The following TRIM10 variants were observed in gnomAD, a reference collection of about 807,000 sequenced individuals.
The protein encoded by TRIM10 is tripartite motif containing 10.
TRIM10 carries 42 observed loss-of-function variants against 40.0 expected under a neutral mutation model. The observed-to-expected ratio is 1.05, with a 90% CI of 0.82 to 1.36. TRIM10 has a LOEUF of 1.36. Ranked by LOEUF, TRIM10 falls within the 40% of genes most tolerant of loss-of-function variation. TRIM10 has a pLI of 0.00. For synonymous variants in TRIM10, 260 were observed against 239.5 expected (o/e 1.09, Z -0.79); for missense variants, 601 against 608.3 (o/e 0.99, Z 0.13).
At chr6:30,163,783 C>T, upstream of TRIM10, 1 of 1,613,042 alleles carries the variant, frequency 6.2e-7, no homozygotes, top group Non-Finnish European at 8.5e-7. Flanking sequence ...CCTGTGGACA[C>T]ACCTTCTGCC....
chr6:30,163,758 A>G (rs751176602), upstream of TRIM10: 4 of 1,612,944 alleles, frequency 2.5e-6, no homozygotes, highest in Non-Finnish European at 3.4e-6. Flanking sequence ...CCGCTGGAGG[A>G]TGCGGTGACC....
intron 5 of TRIM10, among the ~76,000 whole-genome samples, chr6:30,156,309 G>T (rs1212205347): frequency 1.3e-5 from 2 of 152,076 alleles, no homozygotes; most frequent in East Asian, 3.9e-4. Context: ...ACTGTGGGTG[G>T]GTCATTTCAA....
chr6:30,158,281 C>T (rs1772745298), intron 3 of TRIM10, 118 bp downstream of exon 3: 1 of 881,942 alleles, frequency 1.1e-6, no homozygotes, highest in Admixed American at 1.9e-5. Flanking sequence ...GGTCCTCTGA[C>T]CCACCTCCCA....
chr6:30,159,081 T>C (rs1158070840), intron 2 of TRIM10, 69 bp downstream of exon 2: 1 of 1,008,368 alleles, frequency 9.9e-7, no homozygotes, highest in Non-Finnish European at 1.6e-6. Flanking sequence ...TAATCTATGT[T>C]GCCTCAGTTT....
chr6:30,159,156 G>C lies in TRIM10; in HGVS notation c.519C>G (p.Val173=), dbSNP rs1454336667. 3 of 1,608,608 alleles carry C rather than the reference G, an allele frequency of 1.9e-6. No homozygotes were observed. The highest frequency in any genetic ancestry group is 4.5e-5 in the East Asian group (2 of 44,862). The change falls in exon 2 of 7, where the codon GTC becomes GTG. Residue 173 remains valine (V), a synonymous_variant. Coordinates refer to ENST00000449742, the MANE Select transcript of TRIM10 (RefSeq NM_006778.4). The part of the protein sequence containing the change: ...IQSRENKRMQ[V]LLTQVSTKRQ... ...GGAAGGGGTGATGACTTACCAGGAG[G>C]ACTTGCATCCTTTTATTTTCTCTTG...
chr6:30,156,890 C>T (rs115594810), intron 5 of TRIM10, 49 bp downstream of exon 5: 26,138 of 1,564,496 alleles, frequency 0.017, 359 homozygotes, highest in African/African-American at 0.047. Flanking sequence ...ACTCCTAAAC[C>T]CAGGCTTCAT....
chr6:30,163,815 C>G (rs1773357625), upstream of TRIM10: 1 of 1,612,946 alleles, frequency 6.2e-7, no homozygotes, highest in Admixed American at 1.7e-5. Flanking sequence ...CCCGCGCTCT[C>G]CCAGATGGGG....
chr6:30,160,666 G>A lies in TRIM10; in HGVS notation c.193C>T (p.Arg65Cys), dbSNP rs367573300. 2.4e-5 allele frequency: 39 copies of A among 1,614,130 alleles called. 1 individual carries two copies. Among genetic ancestry groups the A allele is most frequent in the Admixed American group, 1.0e-4 (6 of 60,010 alleles). Residue 65 changes from arginine (R) to cysteine (C), a missense_variant, in exon 1 of 7, where the codon CGT becomes TGT. Coordinates refer to ENST00000449742, the MANE Select transcript of TRIM10 (RefSeq NM_006778.4). ...PTCPLCKEPF[R>C]PGSFRPNWQL... ...CAGTTGGGCCGGAAGCTCCCAGGAC[G>A]GAAGGGTTCTTTGCAGAGTGGGCAA...
At position 30,154,384 on chromosome 6, in the gene TRIM10, T is replaced by G. The variant is rs1445940995; in HGVS notation, c.1031A>C (p.Asn344Thr). The G allele has an allele frequency of 1.6e-5, 25 of 1,612,336 alleles. No homozygotes were observed. Among genetic ancestry groups the G allele is most frequent in the Non-Finnish European group, 2.1e-5 (25 of 1,179,890 alleles). Residue 344 changes from asparagine (N) to threonine (T), a missense_variant, in exon 7 of 7, where the codon AAC becomes ACC. Coordinates refer to ENST00000449742, the MANE Select transcript of TRIM10 (RefSeq NM_006778.4). ...GGTGGCCCGGTCAAAACGTTGGGGG[T>G]TGTCTGGTGAGTTCTGCCATTTGTA... ...FSYKWQNSPD[N>T]PQRFDRATCV...
Position 30,160,686 on chromosome 6 carries a change from G to T in TRIM10, c.173C>A (p.Pro58Gln). The T allele has an allele frequency of 6.2e-7, 1 of 1,614,234 alleles. No individual in the cohort carries two copies. The highest frequency in any genetic ancestry group is 8.5e-7 in the Non-Finnish European group (1 of 1,180,038). ...GPDLEESPTC[P>Q]LCKEPFRPGS... Reference sequence around the variant, plus strand: ...AGGACGGAAGGGTTCTTTGCAGAGTGGGCAAGTAGGGGACTCCTCCAGGTC... The same window carrying T: ...AGGACGGAAGGGTTCTTTGCAGAGTTGGCAAGTAGGGGACTCCTCCAGGTC... Residue 58 changes from proline (P) to glutamine (Q), a missense_variant, in exon 1 of 7, where the codon CCA becomes CAA. By Grantham distance (76) the Pro-to-Gln change is moderately conservative (BLOSUM62 -1). Coordinates refer to ENST00000449742, the MANE Select transcript of TRIM10 (RefSeq NM_006778.4).
At position 30,154,318 on chromosome 6, in the gene TRIM10, G is replaced by A. The variant is rs772062443; in HGVS notation, c.1097C>T (p.Thr366Met). ...GGCCAGGTCTATACTCACCACCCAC[G>A]TGTGTCTCCCCCCTGTGATGCCAGT... Reference protein sequence around the residue: ...AHTGITGGRHTWVVSIDLAHG... With the variant: ...AHTGITGGRHMWVVSIDLAHG... The change falls in exon 7 of 7, where the codon ACG becomes ATG. Residue 366 changes from threonine to methionine, a missense_variant. Thr to Met is a moderately conservative substitution (Grantham distance 81). Coordinates refer to ENST00000449742, the MANE Select transcript of TRIM10 (RefSeq NM_006778.4). The A allele has an allele frequency of 5.0e-6, 8 of 1,612,942 alleles. No homozygotes were observed. The highest frequency in any genetic ancestry group is 2.2e-5 in the South Asian group (2 of 91,090).
At position 30,154,076 on chromosome 6, in the gene TRIM10, CG is replaced by C. The variant is rs775339762; in HGVS notation, c.1338del (p.Asn446LysfsTer34). ...DYEVGWVTFT[N>X]AVTREPIYTF... ...GTGTAGATGGGCTCTCGGGTGACAG[CG>C]TTGGTGAAGGTCACCCAGCCCACCT... On this transcript the variant is annotated frameshift_variant, in exon 7 of 7. Coordinates refer to ENST00000449742, the MANE Select transcript of TRIM10 (RefSeq NM_006778.4). LOFTEE classifies it high-confidence loss of function. 10 of 1,612,970 alleles carry C rather than the reference CG, an allele frequency of 6.2e-6. No homozygotes were observed. The East Asian group carries it at 2.2e-4, about 36-fold the overall frequency.
chr6:30,154,424 G>A lies in TRIM10; in HGVS notation c.991C>T (p.Arg331Ter), dbSNP rs146382928. 70 of 1,612,908 alleles carry A rather than the reference G, an allele frequency of 4.3e-5. No individual in the cohort carries two copies. In the Admixed American group the frequency reaches 5.7e-4, roughly 13 times the overall value. ...PKLLLSEDHQ[R>*]AQFSYKWQNS... ...TGCCATTTGTAGGAGAACTGAGCTC[G>A]CTGGTGGTCCTCGGACAAGAGGAGC... The change falls in exon 7 of 7, where the codon CGA becomes TGA. Residue 331 changes from arginine (R) to a stop codon, truncating the protein, a stop_gained. Transcript: ENST00000449742. LOFTEE classifies it low-confidence loss of function (END_TRUNC).
rs745735566 is a variant in TRIM10, at chr6:30,160,756, A to C, written c.103T>G (p.Phe35Val). 3 of 1,614,192 alleles carry C rather than the reference A, an allele frequency of 1.9e-6. No individual in the cohort carries two copies. The highest frequency in any genetic ancestry group is 1.7e-5 in the Admixed American group (1 of 60,026). ...EPVTIDCGHNFCRACLTRYCE... is the reference protein window; with the variant it reads ...EPVTIDCGHNVCRACLTRYCE... ...TAGCGGGTAAGGCAGGCCCGGCAGA[A>C]GTTGTGGCCGCAGTCGATAGTGACC... is the stretch of plus-strand genomic sequence containing the variant. Residue 35 changes from phenylalanine to valine, a missense_variant, in exon 1 of 7, where the codon TTC becomes GTC. Transcript: ENST00000449742.
chr6:30,159,127 C>A (rs921772365), intron 2 of TRIM10, 23 bp downstream of exon 2: 2 of 1,535,122 alleles, frequency 1.3e-6, no homozygotes, highest in African/African-American at 1.4e-5. Flanking sequence ...GGGGAGGAAC[C>A]TGGGGAAGGG....
At chr6:30,157,116 G>A in intron 4 of TRIM10, 62 bp from the exon 5 acceptor site, 2 of 1,510,230 alleles carry the variant, frequency 1.3e-6, no homozygotes, top group Non-Finnish European at 1.8e-6. Flanking sequence ...TCCAGACTCA[G>A]CTGGTCATCT....
At chr6:30,157,841 C>T (rs1772707666) in intron 3 of TRIM10, among the ~76,000 whole-genome samples, 1 of 151,994 alleles carries the variant, frequency 6.6e-6, no homozygotes, top group African/African-American at 2.4e-5. Context: ...AGCCCAAAGC[C>T]TTTATTTTTT....
Position 30,160,713 on chromosome 6 carries a change from G to A in TRIM10, c.146C>T (p.Pro49Leu). The change falls in exon 1 of 7, where the codon CCA becomes CTA. Residue 49 changes from proline to leucine, a missense_variant. Transcript: ENST00000449742. The part of the protein sequence containing the change: ...CLTRYCEIPG[P>L]DLEESPTCPL... ...GCAAGTAGGGGACTCCTCCAGGTCT[G>A]GGCCTGGTATCTCACAGTAGCGGGT... The A allele has an allele frequency of 1.2e-6, 2 of 1,614,238 alleles. No individual in the cohort carries two copies. The highest frequency in any genetic ancestry group is 1.7e-6 in the Non-Finnish European group (2 of 1,180,038).
At chr6:30,157,293 G>A in intron 4 of TRIM10, 76 bp downstream of exon 4, 2 of 1,350,796 alleles carry the variant, frequency 1.5e-6, no homozygotes, top group Non-Finnish European at 2.1e-6. Context: ...ATATACCTGT[G>A]TGGCAATAAC....
Sources: allele counts gnomAD v4.1 joint callset (sites outside exome capture counted in the v4.1 genomes callset), GRCh38; gene constraint gnomAD v4.1.1; transcripts MANE v1.5; gene names NCBI Gene and HGNC (gene_info 2026-07-23, HGNC 2026-07-21).